SLC4A10: variants seen among roughly 807,000 people sequenced by gnomAD.
The protein encoded by SLC4A10 is sodium-driven chloride bicarbonate exchanger.
In SLC4A10, 42 loss-of-function variants were observed where a neutral mutation model predicts 137.7. The ratio of observed to expected loss-of-function variants is 0.30; its 90% CI spans 0.24 to 0.39. The LOEUF (loss-of-function observed/expected upper bound fraction) is 0.39. SLC4A10 is among the 10% of genes least tolerant of loss of function. The probability of loss-of-function intolerance (pLI) is 1.00; values close to 1 mark genes in which losing one functional copy is unlikely to be tolerated. For missense variants in SLC4A10, 925 were observed against 1,355.0 expected (o/e 0.68, Z 4.98); for synonymous variants, 474 against 464.1 (o/e 1.02, Z -0.27).
At chr2:161,737,152 C>G (rs956497826) in intron 1 of SLC4A10, among the ~76,000 whole-genome samples, 2 of 152,114 alleles carry the variant, frequency 1.3e-5, no homozygotes, top group Non-Finnish European at 2.9e-5. Flanking sequence ...AGCCACCATG[C>G]CTGGCAAAAT....
At chr2:161,783,896 C>T (rs760795361) in intron 2 of SLC4A10, among the ~76,000 whole-genome samples, 1 of 151,768 alleles carries the variant, frequency 6.6e-6, no homozygotes, top group Non-Finnish European at 1.5e-5. Flanking sequence ...AAATCCTTCT[C>T]TATCAATAAT....
chr2:161,804,126 G>T (rs959246519), intron 2 of SLC4A10, among the ~76,000 whole-genome samples: 1 of 151,768 alleles, frequency 6.6e-6, no homozygotes, highest in African/African-American at 2.4e-5. Flanking sequence ...TCTGAAGGTA[G>T]AGAGAATAAA....
At chr2:161,753,646 G>A (rs1030445153) in intron 1 of SLC4A10, among the ~76,000 whole-genome samples, 2 of 152,022 alleles carry the variant, frequency 1.3e-5, no homozygotes, top group African/African-American at 4.8e-5. Context: ...TAGTAGTAGT[G>A]ATAATCTTAA....
intron 1 of SLC4A10, among the ~76,000 whole-genome samples, chr2:161,689,547 A>C (rs1325968943): frequency 6.6e-6 from 1 of 152,190 alleles, no homozygotes; most frequent in Non-Finnish European, 1.5e-5. Context: ...CCAGATTTTA[A>C]GTACACTCTA....
In SLC4A10 at chr2:161,835,349, C is replaced by T. The variant is rs2125763585; in HGVS notation, c.278-4440C>T. Among the ~76,000 whole-genome samples, 2 of 152,188 alleles carry T rather than the reference C, an allele frequency of 1.3e-5. 1 individual carries two copies. On this transcript the variant is annotated intron_variant, in intron 3 of 26. Coordinates refer to ENST00000446997, the MANE Select transcript of SLC4A10 (RefSeq NM_001178015.2). ...ACTGCGCCCGGCCAAGACTGCATGT[C>T]TTATGTCCAAATCATGCATTATTTT...
At chr2:161,945,260 T>C (rs1004783938) in intron 16 of SLC4A10, among the ~76,000 whole-genome samples, 1 of 139,190 alleles carries the variant, frequency 7.2e-6, no homozygotes, top group Non-Finnish European at 1.5e-5. Context: ...AAAATCAGCC[T>C]TTATAAGAAA....
intron 1 of SLC4A10, among the ~76,000 whole-genome samples, chr2:161,667,757 G>A (rs1346729986): frequency 6.6e-6 from 1 of 151,440 alleles, no homozygotes; most frequent in Non-Finnish European, 1.5e-5. Flanking sequence ...CTCTTCTTTT[G>A]GACTTGTTTT....
chr2:161,869,947 G>C (rs1228945017), intron 6 of SLC4A10, among the ~76,000 whole-genome samples: 1 of 151,386 alleles, frequency 6.6e-6, no homozygotes, highest in African/African-American at 2.4e-5. Context: ...GGACTAGCAA[G>C]AAGTTTACTG....
intron 1 of SLC4A10, among the ~76,000 whole-genome samples, chr2:161,679,042 A>G (rs989260276): frequency 6.6e-6 from 1 of 152,100 alleles, no homozygotes; most frequent in Non-Finnish European, 1.5e-5. Context: ...ATAGTTTTCC[A>G]AAGTGGTTTT....
chr2:161,683,956 T>C (rs1446237740), intron 1 of SLC4A10, among the ~76,000 whole-genome samples: 2 of 152,182 alleles, frequency 1.3e-5, no homozygotes, highest in East Asian at 3.8e-4. Context: ...ATTCACACTG[T>C]TATGCAATTG....
intron 16 of SLC4A10, among the ~76,000 whole-genome samples, chr2:161,947,209 G>A (rs1190831164): frequency 6.6e-6 from 1 of 152,056 alleles, no homozygotes; most frequent in Non-Finnish European, 1.5e-5. Flanking sequence ...TGGGCATAGT[G>A]TCTGACCTTA....
chr2:161,844,583 CTTTT>C (rs2059382009), intron 4 of SLC4A10, among the ~76,000 whole-genome samples: 1 of 151,938 alleles, frequency 6.6e-6, no homozygotes, highest in Non-Finnish European at 1.5e-5. Flanking sequence ...TAGACTTACT[CTTTT>C]TTTGTTTGGG....
At chr2:161,751,893 G>A (rs898804229) in intron 1 of SLC4A10, among the ~76,000 whole-genome samples, 9 of 151,958 alleles carry the variant, frequency 5.9e-5, no homozygotes, top group East Asian at 1.9e-4. Flanking sequence ...ATGCATACAC[G>A]TTTACTCAAG....
chr2:161,759,844 T>C (rs1053274748), intron 1 of SLC4A10, among the ~76,000 whole-genome samples: 3 of 152,094 alleles, frequency 2.0e-5, no homozygotes, highest in Non-Finnish European at 4.4e-5. Context: ...TTTCCTTTGC[T>C]GTGCAGATTA....
chr2:161,947,737 C>A lies in SLC4A10; in HGVS notation c.2265+10C>A. The A allele has an allele frequency of 6.2e-7, 1 of 1,607,908 alleles. No homozygotes were observed. The highest frequency in any genetic ancestry group is 1.1e-5 in the South Asian group (1 of 89,998). ...ATATTTTCCAACCAAGGTACTTAGA[C>A]TATTTCTTGATCTAAATGTAAAATA... On this transcript the variant is annotated intron_variant, in intron 17 of 26. Transcript: ENST00000446997.
chr2:161,786,930 G>A (rs2053690461), intron 2 of SLC4A10, among the ~76,000 whole-genome samples: 1 of 151,742 alleles, frequency 6.6e-6, no homozygotes, highest in Non-Finnish European at 1.5e-5. Flanking sequence ...TTGCTTTGCA[G>A]TCTCAGTGGT....
rs1575417972 is a variant in SLC4A10, at chr2:161,879,259, A to T, written c.1077A>T (p.Gln359His). Residue 359 changes from glutamine to histidine, a missense_variant, in exon 9 of 27, where the codon CAA becomes CAT. Physicochemically the swap from Gln to His is conservative, Grantham distance 24. Around this residue, in one of 11 missense-constraint regions of SLC4A10, gnomAD observed 277 missense variants for 306.1 expected, o/e 0.90. Coordinates refer to ENST00000446997, the MANE Select transcript of SLC4A10 (RefSeq NM_001178015.2). ...FVRLSPAVLL[Q>H]GLAEVPIPTR... The stretch of plus-strand genomic sequence containing the variant: ...GGTTGTCTCCAGCTGTATTGCTTCA[A>T]GGACTGGCTGAAGTCCCAATCCCAA... 6.2e-7 allele frequency: 1 copy of T among 1,612,424 alleles called. No homozygotes were observed. Among genetic ancestry groups the T allele is most frequent in the East Asian group, 2.2e-5 (1 of 44,840 alleles).
chr2:161,964,399 A>C, intron 22 of SLC4A10, 91 bp downstream of exon 22: 1 of 1,326,646 alleles, frequency 7.5e-7, no homozygotes, highest in Non-Finnish European at 1.1e-6. Context: ...GGAACAACAG[A>C]GTCATTTTGA....
intron 4 of SLC4A10, among the ~76,000 whole-genome samples, chr2:161,840,567 T>C (rs2059117578): frequency 6.6e-6 from 1 of 152,224 alleles, no homozygotes; most frequent in Non-Finnish European, 1.5e-5. Flanking sequence ...AACAAACATT[T>C]ATGGAGTGTC....
Sources: gnomAD v4.1 joint callset for allele counts (sites outside exome capture counted in the v4.1 genomes callset) on GRCh38, gnomAD v4.1.1 for gene constraint, gnomAD v4.1.1 regional missense constraint, MANE v1.5 for transcripts, NCBI Gene and HGNC (gene_info 2026-07-23, HGNC 2026-07-21) for gene names.